LHPP: variants seen among roughly 807,000 people sequenced by gnomAD.
LHPP encodes the protein hLHPP.
A neutral mutation model predicts 30.3 loss-of-function variants in LHPP; 24 were observed. That is an observed-to-expected ratio of 0.79 (90% CI 0.57 to 1.11). The LOEUF (loss-of-function observed/expected upper bound fraction) is 1.11. LHPP is among the 50% of genes most tolerant of loss of function. LHPP has a pLI of 0.00. For missense variants in LHPP, 356 were observed against 367.2 expected (o/e 0.97, Z 0.25); for synonymous variants, 150 against 157.1 (o/e 0.95, Z 0.34).
chr10:124,480,201 C>T (rs921651766), intron 1 of LHPP, among the ~76,000 whole-genome samples: 34 of 152,108 alleles, frequency 2.2e-4, no homozygotes, highest in African/African-American at 7.2e-4. Flanking sequence ...TCTCTGGTGA[C>T]GGCTCAAAGG....
chr10:124,483,433 T>C (rs1396987360), intron 1 of LHPP, among the ~76,000 whole-genome samples: 2 of 152,028 alleles, frequency 1.3e-5, no homozygotes, highest in Admixed American at 6.6e-5. Context: ...TGAGCAGGAT[T>C]GTGGAGAGGA....
At chr10:124,522,728 C>CCCG (rs1554886534) in intron 6 of LHPP, among the ~76,000 whole-genome samples, 1 of 148,430 alleles carries the variant, frequency 6.7e-6, no homozygotes, top group African/African-American at 2.6e-5. Flanking sequence ...CCCACGCCCC[C>CCCG]CCCCAAGCAC....
At chr10:124,598,794 G>C (rs1003323656) in intron 6 of LHPP, among the ~76,000 whole-genome samples, 1 of 149,208 alleles carries the variant, frequency 6.7e-6, no homozygotes, top group Non-Finnish European at 1.5e-5. Flanking sequence ...TGCAGCGCCT[G>C]CTACCCACCC....
At chr10:124,504,709 G>A (rs1954010779) in intron 5 of LHPP, among the ~76,000 whole-genome samples, 2 of 152,162 alleles carry the variant, frequency 1.3e-5, no homozygotes, top group African/African-American at 4.8e-5. Flanking sequence ...AGATGGCATT[G>A]CTGGTGATAT....
chr10:124,535,850 T>C (rs1454025018), intron 6 of LHPP, among the ~76,000 whole-genome samples: 5 of 152,242 alleles, frequency 3.3e-5, no homozygotes, highest in Non-Finnish European at 5.9e-5. Context: ...AGCAGCTGCT[T>C]CAGGCTCCTC....
In LHPP at chr10:124,488,455, C is replaced by A. The variant is rs1280984559; in HGVS notation, c.347C>A (p.Ser116Tyr). Residue 116 changes from serine to tyrosine, a missense_variant, in exon 3 of 7, where the codon TCC (serine) becomes TAC (tyrosine). Physicochemically the swap from Ser to Tyr is moderately radical, Grantham distance 144 (BLOSUM62 -2). Coordinates refer to ENST00000368842, the MANE Select transcript of LHPP (RefSeq NM_022126.4). The part of the protein sequence containing the change: ...VRSEFDQIDT[S>Y]NPNCVVIADA... ...TCAGAATTTGATCAGATCGACACAT[C>A]CAACCCAAACTGTGTGGTAATTGCA... is the stretch of plus-strand genomic sequence containing the variant. The A allele has an allele frequency of 6.2e-7, 1 of 1,614,062 alleles. No individual in the cohort carries two copies. Among genetic ancestry groups the A allele is most frequent in the South Asian group, 1.1e-5 (1 of 91,066 alleles).
intron 6 of LHPP, among the ~76,000 whole-genome samples, chr10:124,530,528 G>GCACA (rs5788671): frequency 6.8e-5 from 6 of 87,746 alleles, no homozygotes; most frequent in African/African-American, 2.8e-4. Flanking sequence ...CATAGTGCAT[G>GCACA]CACACACACA....
At chr10:124,511,840 C>T (rs1298309605) in intron 5 of LHPP, among the ~76,000 whole-genome samples, 1 of 152,310 alleles carries the variant, frequency 6.6e-6, no homozygotes, top group East Asian at 1.9e-4. Flanking sequence ...GAATTCACAG[C>T]ATGGCGTGCC....
Position 124,541,067 on chromosome 10 carries a change from G to GC in LHPP, c.716+23802dup, listed in dbSNP as rs1417081191. Among the ~76,000 whole-genome samples, 1 of 152,082 alleles carries GC rather than the reference G, an allele frequency of 6.6e-6. No homozygotes were observed. The highest frequency in any genetic ancestry group is 2.4e-5 in the African/African-American group (1 of 41,396). On this transcript the variant is annotated intron_variant, in intron 6 of 6. Transcript: ENST00000368842. This position sits in a 1 kb window ranked among gnomAD's most constrained non-coding sequence, Gnocchi z 4.2. ...AACAGCTTTTTTAATGGAGGAAGGG[G>GC]CCCCCCAAATCACAAAGTGGCCCTG...
chr10:124,601,318 G>A (rs769526767), intron 6 of LHPP, among the ~76,000 whole-genome samples: 4 of 152,196 alleles, frequency 2.6e-5, no homozygotes, highest in Admixed American at 6.5e-5. Context: ...CCCATATTGT[G>A]GGATCTTTCA....
intron 6 of LHPP, among the ~76,000 whole-genome samples, chr10:124,528,042 T>TACAGGGGAGCCGCCGC (rs11269860): frequency 0.52 from 78,989 of 151,696 alleles, 21,201 homozygotes; most frequent in South Asian, 0.68. Flanking sequence ...GTGCTGGGAT[T>TACAGGGGAGCCGCCGC]ACCCGGCTTG....
In LHPP at chr10:124,517,267, T is replaced by C; in HGVS notation, c.712T>C (p.Phe238Leu). 6.3e-7 allele frequency: 1 copy of C among 1,590,518 alleles called. No homozygotes were observed. The highest frequency in any genetic ancestry group is 8.6e-7 in the Non-Finnish European group (1 of 1,168,080). The change falls in exon 6 of 7, where the codon TTC (phenylalanine) becomes CTC (leucine). Residue 238 changes from phenylalanine to leucine, a missense_variant. Physicochemically the swap from Phe to Leu is conservative, Grantham distance 22. Transcript: ENST00000368842. The surrounding 1 kb of genome is among the most constrained non-coding windows in gnomAD (Gnocchi z 4.1). ...MRALQVRTGK[F>L]RPSDEHHPEV... ...AGCGCTGCAGGTGCGCACCGGGAAG[T>C]TCAGGTCAGTGCCAGCTGGAGTCAT...
intron 5 of LHPP, among the ~76,000 whole-genome samples, chr10:124,515,751 C>T (rs1183350594): frequency 6.6e-6 from 1 of 152,246 alleles, no homozygotes; most frequent in Non-Finnish European, 1.5e-5. Context: ...TGAGATCGCA[C>T]TCAATGCCCT....
chr10:124,474,986 T>G (rs1341198819), intron 1 of LHPP, among the ~76,000 whole-genome samples: 1 of 151,496 alleles, frequency 6.6e-6, no homozygotes, highest in Admixed American at 6.6e-5. Flanking sequence ...CAGCAATTAC[T>G]GCCATTTATT....
chr10:124,586,398 A>G (rs1948804176), intron 6 of LHPP, among the ~76,000 whole-genome samples: 2 of 152,194 alleles, frequency 1.3e-5, no homozygotes, highest in Non-Finnish European at 2.9e-5. Context: ...GGGAGGGGGA[A>G]ATAGCCCTGC....
intron 1 of LHPP, among the ~76,000 whole-genome samples, chr10:124,483,080 G>A (rs1301749571): frequency 2.0e-5 from 3 of 151,936 alleles, no homozygotes; most frequent in African/African-American, 4.8e-5. Context: ...CTGGATTCGC[G>A]GGTCTCCTAT....
At chr10:124,497,321 G>A (rs1356765599) in intron 4 of LHPP, among the ~76,000 whole-genome samples, 4 of 108,392 alleles carry the variant, frequency 3.7e-5, no homozygotes, top group Non-Finnish European at 5.5e-5. Context: ...CCCCCTGCCC[G>A]CCGTGGACCC....
rs557381625 is a variant in LHPP, at chr10:124,592,112, A to G, written c.717-21152A>G. Among the ~76,000 whole-genome samples, 6 of 152,324 alleles carry G rather than the reference A, an allele frequency of 3.9e-5. No homozygotes were observed. Among genetic ancestry groups the G allele is most frequent in the Admixed American group, 3.3e-4 (5 of 15,308 alleles). On this transcript the variant is annotated intron_variant, in intron 6 of 6. Transcript: ENST00000368842. The surrounding 1 kb of genome is among the most constrained non-coding windows in gnomAD (Gnocchi z 6.2). Reference sequence around the variant, plus strand: ...GGAACAATAAGAGAAGGCAAGCCCTATGGGATGGTAAACTGCAGTATAAAG... The same window carrying G: ...GGAACAATAAGAGAAGGCAAGCCCTGTGGGATGGTAAACTGCAGTATAAAG...
intron 6 of LHPP, among the ~76,000 whole-genome samples, chr10:124,589,921 G>C (rs1348550677): frequency 6.6e-6 from 1 of 152,208 alleles, no homozygotes; most frequent in African/African-American, 2.4e-5. Flanking sequence ...AGTTCTTCGG[G>C]CTGGCGGGGC....
Sources: gnomAD v4.1 joint callset for allele counts (sites outside exome capture counted in the v4.1 genomes callset) on GRCh38, gnomAD v4.1.1 for gene constraint, Gnocchi (gnomAD v3.1) non-coding constraint, MANE v1.5 for transcripts, NCBI Gene and HGNC (gene_info 2026-07-23, HGNC 2026-07-21) for gene names.